Variants in NSUN4 observed in about 807,000 individuals in gnomAD.
NSUN4 encodes the protein NOP2/Sun RNA methyltransferase 4, also known as 5-cytosine rRNA methyltransferase NSUN4.
Under a neutral mutation model 43.8 loss-of-function variants are expected in NSUN4, and 31 were observed. The ratio of observed to expected loss-of-function variants is 0.71; its 90% CI spans 0.53 to 0.96. The LOEUF is 0.96. Ranked by LOEUF, NSUN4 falls within the 40% of genes least tolerant of loss-of-function variation. NSUN4 has a pLI of 0.00. For synonymous variants in NSUN4, 167 were observed against 184.1 expected (o/e 0.91, Z 0.75); for missense variants, 439 against 475.6 (o/e 0.92, Z 0.72).
chr1:46,376,892 G>T, the NSUN4 span, among the ~76,000 whole-genome samples: 4 of 151,878 alleles, frequency 2.6e-5, no homozygotes, highest in Non-Finnish European at 1.5e-5. Flanking sequence ...CGAGTAGCTG[G>T]GATTACAGGT....
downstream of NSUN4, among the ~76,000 whole-genome samples, chr1:46,365,342 T>TTGTGTTTTTTTTTGTGAGTACGTGTGAG (rs1664109016): frequency 6.6e-6 from 1 of 152,126 alleles, no homozygotes; most frequent in Non-Finnish European, 1.5e-5. Flanking sequence ...TGTTTTCTTT[T>TTGTGTTTTTTTTTGTGAGTACGTGTGAG]CTTTTTTTAT....
chr1:46,360,249 A>AATATATATATATAT (rs773980804), intron 4 of NSUN4, among the ~76,000 whole-genome samples: 7 of 25,760 alleles, frequency 2.7e-4, no homozygotes, highest in East Asian at 3.4e-3. Context: ...AAAAAAAAAA[A>AATATATATATATAT]ATATATATAT....
At chr1:46,346,143 TC>T (rs1467908657) in intron 2 of NSUN4, among the ~76,000 whole-genome samples, 2 of 129,284 alleles carry the variant, frequency 1.5e-5, no homozygotes, top group Non-Finnish European at 1.7e-5. Flanking sequence ...AGAGCGAGAC[TC>T]TGTCTCAAAA....
intron 3 of NSUN4, among the ~76,000 whole-genome samples, chr1:46,350,013 C>T (rs1031880021): frequency 7.9e-5 from 12 of 152,168 alleles, no homozygotes; most frequent in Non-Finnish European, 1.3e-4. Context: ...CCGAGGAAAA[C>T]GGGATCACAG....
intron 1 of NSUN4, chr1:46,343,796 T>C: frequency 2.5e-6 from 1 of 397,276 alleles, no homozygotes; most frequent in Non-Finnish European, 4.4e-6. Flanking sequence ...AGAGCAAGAG[T>C]CTATGATGGC....
chr1:46,371,293 A>C, the NSUN4 span, among the ~76,000 whole-genome samples: 1 of 148,578 alleles, frequency 6.7e-6, no homozygotes, highest in African/African-American at 2.5e-5. Context: ...ACGCCTGGCT[A>C]ATTTTTCTTT....
rs1428135483 is a variant in NSUN4 at position 46,361,981 on chromosome 1, G to C, written c.*135G>C. The C allele has an allele frequency of 6.1e-6, 5 of 817,372 alleles. No homozygotes were observed. Among genetic ancestry groups the C allele is most frequent in the Admixed American group, 2.8e-5 (1 of 35,190 alleles). The allele number at this position is 817,372 out of a possible 1,614,324, so 50.6% of individuals were successfully genotyped here. A position where few individuals can be genotyped will look rare whatever the true frequency, so the allele number is the denominator to read the frequency against. ...CTGTTCGTGTCTTTCTGCAGTTTTC[G>C]GCAATAAGAAGTAGAAGATTTGCTG... On this transcript the variant is annotated 3_prime_UTR_variant, in exon 6 of 6. Transcript: ENST00000474844.
chr1:46,359,185 G>A (rs1199888345), intron 4 of NSUN4, among the ~76,000 whole-genome samples: 3 of 151,862 alleles, frequency 2.0e-5, no homozygotes, highest in African/African-American at 2.4e-5. Flanking sequence ...GCTTGAACCC[G>A]GGAGGTGGAG....
chr1:46,373,576 G>A, the NSUN4 span, among the ~76,000 whole-genome samples: 1 of 152,204 alleles, frequency 6.6e-6, no homozygotes, highest in Non-Finnish European at 1.5e-5. Flanking sequence ...TAGAGCATGA[G>A]CCAATCTGGC....
the NSUN4 span, among the ~76,000 whole-genome samples, chr1:46,379,901 T>C: frequency 2.0e-5 from 3 of 152,150 alleles, no homozygotes; most frequent in Non-Finnish European, 2.9e-5. Context: ...CAGGGACCTT[T>C]TGACTTAATC....
chr1:46,349,144 G>GTT (rs776362753), intron 3 of NSUN4, among the ~76,000 whole-genome samples: 4 of 116,274 alleles, frequency 3.4e-5, no homozygotes, highest in Admixed American at 8.6e-5. Flanking sequence ...TTGTTTTTTT[G>GTT]TTTTTTTTTT....
Position 46,345,076 on chromosome 1 carries a change from G to A in NSUN4, c.369G>A (p.Trp123Ter), listed in dbSNP as rs1401608505. 1 of 1,614,080 alleles carries A rather than the reference G, an allele frequency of 6.2e-7. No homozygotes were observed. The highest frequency in any genetic ancestry group is 8.5e-7 in the Non-Finnish European group (1 of 1,180,022). Residue 123 changes from tryptophan (W) to a stop codon, truncating the protein, a stop_gained, in exon 2 of 6, where the codon TGG (tryptophan) becomes TGA (stop). Transcript: ENST00000474844. LOFTEE classifies it high-confidence loss of function. ...CTGCAGCCCCATCCCCTGCCTCCTGGGCCTGCAGTCCGAACCTTCGATGCT... is the reference window on the plus strand; with the variant it reads ...CTGCAGCCCCATCCCCTGCCTCCTGAGCCTGCAGTCCGAACCTTCGATGCT... Reference protein sequence around the residue: ...GQSAAPSPASWACSPNLRCFT... With the variant: ...GQSAAPSPAS
intron 4 of NSUN4, among the ~76,000 whole-genome samples, chr1:46,357,052 G>A (rs1190766287): frequency 6.6e-6 from 1 of 152,208 alleles, no homozygotes; most frequent in Non-Finnish European, 1.5e-5. Context: ...ATCCATGCCA[G>A]TGCCTGATGT....
chr1:46,360,946 C>A, intron 5 of NSUN4, 118 bp downstream of exon 5: 2 of 1,134,030 alleles, frequency 1.8e-6, no homozygotes, highest in Non-Finnish European at 2.6e-6. Context: ...GGAGATCTGC[C>A]TAGAGGAGAC....
At position 46,363,023 on chromosome 1, in the gene NSUN4, AG is replaced by A. The variant is rs1372827814; in HGVS notation, c.*1180del. The A allele has an allele frequency of 2.6e-5, 4 of 152,046 alleles. No homozygotes were observed. Among genetic ancestry groups the A allele is most frequent in the Non-Finnish European group, 4.4e-5 (3 of 67,986 alleles). 9.4% of individuals were successfully genotyped at this position (152,046 alleles called of 1,614,324 possible). ...TCCTGGAAAACATCCTGTGCAGAAA[AG>A]GGTATATAATTTTAGAATACCTGAA... On this transcript the variant is annotated 3_prime_UTR_variant, in exon 6 of 6. Transcript: ENST00000474844.
At chr1:46,375,514 T>G in the NSUN4 span, among the ~76,000 whole-genome samples, 2 of 151,240 alleles carry the variant, frequency 1.3e-5, no homozygotes, top group Non-Finnish European at 2.9e-5. Context: ...CGAGAGTCTT[T>G]TTTGAGCCTA....
chr1:46,360,295 G>A (rs987773636), intron 4 of NSUN4, among the ~76,000 whole-genome samples: 1 of 135,992 alleles, frequency 7.4e-6, no homozygotes, highest in Non-Finnish European at 1.5e-5. Context: ...AGTCTGGAGT[G>A]GTGGTTTGCA....
At position 46,342,042 on chromosome 1, in the gene NSUN4, C is replaced by T. The variant is rs1557735551; in HGVS notation, c.93+1123C>T. On this transcript the variant is annotated intron_variant, in intron 1 of 5. Coordinates refer to ENST00000474844, the MANE Select transcript of NSUN4 (RefSeq NM_199044.4). ...AACTGGACCCATGATTTCGCCTCCT[C>T]CTACACATAGGACCCCGGGAACTTG... is the stretch of plus-strand genomic sequence containing the variant. 5 of 989,442 alleles carry T rather than the reference C, an allele frequency of 5.1e-6. No individual in the cohort carries two copies. In the South Asian group the frequency reaches 1.6e-4, roughly 31 times the overall value. 61.3% of individuals were successfully genotyped at this position (989,442 alleles called of 1,614,324 possible).
At chr1:46,344,650 C>T (rs930995886) in intron 1 of NSUN4, 151 bp from the exon 2 acceptor site, 5 of 671,490 alleles carry the variant, frequency 7.4e-6, no homozygotes, top group South Asian at 3.7e-5. Context: ...ACTTTTCCCT[C>T]TCACACTTCT....
Sources: gnomAD v4.1 joint callset for allele counts (sites outside exome capture counted in the v4.1 genomes callset) on GRCh38, gnomAD v4.1.1 for gene constraint, MANE v1.5 for transcripts, NCBI Gene and HGNC (gene_info 2026-07-23, HGNC 2026-07-21) for gene names.